Variants in USH2A observed in about 807,000 individuals in gnomAD.
The protein encoded by USH2A is Usher syndrome 2A (autosomal recessive, mild).
In USH2A, 443 loss-of-function variants were observed where a neutral mutation model predicts 538.9. That is an observed-to-expected ratio of 0.82 (90% CI 0.76 to 0.89). The LOEUF (loss-of-function observed/expected upper bound fraction) is 0.89. USH2A is among the 40% of genes least tolerant of loss of function. The probability of loss-of-function intolerance (pLI) is 0.00; values close to 1 mark genes in which losing one functional copy is unlikely to be tolerated. For synonymous variants in USH2A, 2,413 were observed against 2,273.5 expected (o/e 1.06, Z -1.75); for missense variants, 6,633 against 6,324.8 (o/e 1.05, Z -1.65).
At chr1:216,245,981 T>C (rs2036035306) in intron 13 of USH2A, among the ~76,000 whole-genome samples, 1 of 152,224 alleles carries the variant, frequency 6.6e-6, no homozygotes, top group South Asian at 2.1e-4. Context: ...TATAGTATTT[T>C]AGTTAAAATC....
In USH2A at chr1:215,674,150, A is replaced by G. The variant is rs762066961; in HGVS notation, c.13761T>C (p.Asn4587=). The change falls in exon 63 of 72, where the codon AAT becomes AAC. Residue 4587 remains asparagine, a synonymous_variant. Coordinates refer to ENST00000307340, the MANE Select transcript of USH2A (RefSeq NM_206933.4). The stretch of plus-strand genomic sequence containing the variant: ...CTATATATGACTGCATACCAAAAGA[A>G]TTATGAGTTGTGTTTATGTGTATGA... ...TKIIHINTTH[N]SFGMQSYIVN... is the part of the protein sequence containing the mutation. The G allele has an allele frequency of 1.2e-5, 20 of 1,614,176 alleles. 1 individual carries two copies. The South Asian group carries it at 2.0e-4, about 16-fold the overall frequency.
chr1:215,783,917 A>G (rs1021854532), intron 52 of USH2A, among the ~76,000 whole-genome samples: 1 of 152,198 alleles, frequency 6.6e-6, no homozygotes, highest in Non-Finnish European at 1.5e-5. Flanking sequence ...CATTCTCCTT[A>G]TATACATCTC....
Position 215,638,993 on chromosome 1 carries a change from C to CA in USH2A, c.15052+161dup, listed in dbSNP as rs146300382. Among the ~76,000 whole-genome samples, 393 of 132,174 alleles carry CA rather than the reference C, an allele frequency of 3.0e-3. 3 individuals carry two copies. Among genetic ancestry groups the CA allele is most frequent in the South Asian group, 0.011 (45 of 4,170 alleles). 86.7% of individuals were successfully genotyped at this position (132,174 alleles called of 152,430 possible). On this transcript the variant is annotated intron_variant, in intron 69 of 71. Transcript: ENST00000307340. ...ACTCCGTCTCAAAAAAAAACAACAA[C>CA]AAAAAAAAAACAAAAAAAAAAACTC... is the stretch of plus-strand genomic sequence containing the variant.
chr1:215,630,951 G>A (rs1656264426), intron 70 of USH2A, among the ~76,000 whole-genome samples: 2 of 151,874 alleles, frequency 1.3e-5, no homozygotes, highest in Admixed American at 1.3e-4. Flanking sequence ...GTATTGCAGG[G>A]AATGAAAGGA....
chr1:215,723,532 G>A (rs1659722699), intron 61 of USH2A, among the ~76,000 whole-genome samples: 1 of 152,226 alleles, frequency 6.6e-6, no homozygotes, highest in Non-Finnish European at 1.5e-5. Flanking sequence ...CTTGGGCAGA[G>A]ATGAGATCTT....
At chr1:215,643,064 C>T (rs923555698) in intron 67 of USH2A, among the ~76,000 whole-genome samples, 5 of 152,134 alleles carry the variant, frequency 3.3e-5, no homozygotes, top group Admixed American at 2.6e-4. Context: ...GGCGCTATCT[C>T]GGCTCACTGC....
chr1:216,207,018 C>T (rs917459532), intron 16 of USH2A, among the ~76,000 whole-genome samples: 1 of 152,100 alleles, frequency 6.6e-6, no homozygotes, highest in Non-Finnish European at 1.5e-5. Flanking sequence ...TCCCCACATT[C>T]CCATCAATTC....
chr1:215,705,131 T>A (rs536485377), intron 61 of USH2A, among the ~76,000 whole-genome samples: 217 of 152,330 alleles, frequency 1.4e-3, no homozygotes, highest in African/African-American at 4.7e-3. Flanking sequence ...GTTATTTTTT[T>A]AAAAACTATT....
At chr1:216,371,723 C>A (rs1248334764) in intron 3 of USH2A, among the ~76,000 whole-genome samples, 1 of 152,122 alleles carries the variant, frequency 6.6e-6, no homozygotes, top group Non-Finnish European at 1.5e-5. Flanking sequence ...ACATTTATGT[C>A]ATTTGCAAAT....
At chr1:216,201,175 T>A (rs535735180) in intron 16 of USH2A, among the ~76,000 whole-genome samples, 1 of 151,718 alleles carries the variant, frequency 6.6e-6, no homozygotes, top group Non-Finnish European at 1.5e-5. Flanking sequence ...CCCATACACA[T>A]CTGTATTGCT....
chr1:215,733,513 A>G (rs1447811518), intron 60 of USH2A, among the ~76,000 whole-genome samples: 1 of 152,244 alleles, frequency 6.6e-6, no homozygotes, highest in Admixed American at 6.5e-5. Context: ...AACTGATTAC[A>G]GCATTAACTC....
intron 50 of USH2A, among the ~76,000 whole-genome samples, chr1:215,795,665 G>A (rs1488313245): frequency 2.0e-5 from 3 of 152,146 alleles, no homozygotes; most frequent in Non-Finnish European, 2.9e-5. Context: ...CACCCTCCCT[G>A]CCACCTTGGT....
At chr1:216,244,654 C>CT (rs1344979310) in intron 13 of USH2A, among the ~76,000 whole-genome samples, 3 of 151,716 alleles carry the variant, frequency 2.0e-5, no homozygotes, top group Admixed American at 1.3e-4. Context: ...TTATCCATGG[C>CT]TTTTTCTGCA....
intron 49 of USH2A, among the ~76,000 whole-genome samples, chr1:215,799,453 C>T (rs4363405): frequency 5.9e-5 from 9 of 151,898 alleles, no homozygotes; most frequent in South Asian, 2.1e-4. Context: ...TCTTTTGGAA[C>T]GTAGAGTGGA....
intron 56 of USH2A, among the ~76,000 whole-genome samples, chr1:215,764,538 A>T (rs1661072566): frequency 6.6e-6 from 1 of 152,296 alleles, no homozygotes; most frequent in African/African-American, 2.4e-5. Context: ...CAACTTGTCA[A>T]TGAGGTTGTA....
chr1:216,330,755 T>A (rs2037844522), intron 4 of USH2A, among the ~76,000 whole-genome samples: 2 of 151,934 alleles, frequency 1.3e-5, no homozygotes, highest in African/African-American at 4.8e-5. Context: ...TCAGGATTAT[T>A]CAAAAGTTCT....
intron 32 of USH2A, among the ~76,000 whole-genome samples, chr1:216,009,933 A>G (rs948318296): frequency 6.6e-6 from 1 of 152,306 alleles, no homozygotes; most frequent in Middle Eastern, 3.4e-3. Context: ...TTCATCAAAT[A>G]TAAAAATCCA....
At chr1:216,080,444 G>A (rs1378455843) in intron 26 of USH2A, among the ~76,000 whole-genome samples, 1 of 152,012 alleles carries the variant, frequency 6.6e-6, no homozygotes, top group African/African-American at 2.4e-5. Flanking sequence ...AAATGTGGGG[G>A]TCATTGACCA....
At chr1:216,102,027 A>T (rs1162356846) in intron 21 of USH2A, among the ~76,000 whole-genome samples, 1 of 152,194 alleles carries the variant, frequency 6.6e-6, no homozygotes, top group Non-Finnish European at 1.5e-5. Context: ...GATAAATGTG[A>T]AGCTATAACA....
Sources: gnomAD v4.1 joint callset for allele counts (sites outside exome capture counted in the v4.1 genomes callset) on GRCh38, gnomAD v4.1.1 for gene constraint, MANE v1.5 for transcripts, NCBI Gene and HGNC (gene_info 2026-07-23, HGNC 2026-07-21) for gene names.